DLGAP1: variants seen among roughly 807,000 people sequenced by gnomAD.
DLGAP1 encodes the protein DLG associated protein 1, also known as disks large-associated protein 1.
A neutral mutation model predicts 90.8 loss-of-function variants in DLGAP1; 11 were observed. The ratio of observed to expected loss-of-function variants is 0.12; its 90% confidence interval spans 0.08 to 0.20. The LOEUF (loss-of-function observed/expected upper bound fraction) is 0.20. Ranked by LOEUF, DLGAP1 falls within the 10% of genes least tolerant of loss-of-function variation. The pLI, the probability that DLGAP1 is intolerant of heterozygous loss-of-function variation, is 1.00. For missense variants in DLGAP1, 1,050 were observed against 1,333.8 expected (o/e 0.79, Z 3.31); for synonymous variants, 558 against 540.7 (o/e 1.03, Z -0.44).
chr18:3,806,241 C>CA (rs1763491235), intron 5 of DLGAP1, among the ~76,000 whole-genome samples: 1 of 152,048 alleles, frequency 6.6e-6, no homozygotes, highest in South Asian at 2.1e-4. Flanking sequence ...CAAAAAGAAA[C>CA]AAAAAACCAC....
chr18:4,149,693 G>A (rs886904719), intron 2 of DLGAP1, among the ~76,000 whole-genome samples: 1 of 152,220 alleles, frequency 6.6e-6, no homozygotes, highest in East Asian at 1.9e-4. Flanking sequence ...CATGATCCCT[G>A]TTGTGAACTG....
At chr18:4,018,098 G>T (rs1158252840) in intron 2 of DLGAP1, among the ~76,000 whole-genome samples, 1 of 152,172 alleles carries the variant, frequency 6.6e-6, no homozygotes, top group Non-Finnish European at 1.5e-5. Flanking sequence ...AAATAGCAGG[G>T]ACTGTGAAGA....
chr18:4,377,634 T>C (rs952213290), intron 1 of DLGAP1, among the ~76,000 whole-genome samples: 3 of 152,190 alleles, frequency 2.0e-5, no homozygotes, highest in African/African-American at 7.2e-5. Context: ...TATTATGACA[T>C]GTAAATTATT....
chr18:3,795,535 C>T (rs530669433), intron 5 of DLGAP1, among the ~76,000 whole-genome samples: 4 of 152,214 alleles, frequency 2.6e-5, no homozygotes, highest in Admixed American at 1.3e-4. Context: ...AGGATGGTCT[C>T]GATCTCTTGA....
chr18:3,627,237 G>GC (rs1815860704), intron 7 of DLGAP1, among the ~76,000 whole-genome samples: 3 of 152,042 alleles, frequency 2.0e-5, no homozygotes, highest in Admixed American at 1.3e-4. Context: ...ACCACACCTG[G>GC]CCTAGTGCTA....
chr18:3,931,427 G>A (rs2148929856), intron 3 of DLGAP1, among the ~76,000 whole-genome samples: 2 of 152,254 alleles, frequency 1.3e-5, no homozygotes, highest in Middle Eastern at 3.4e-3. Flanking sequence ...GCAGGGGGTG[G>A]AAAATGGTCA....
intron 4 of DLGAP1, among the ~76,000 whole-genome samples, chr18:3,856,914 T>C (rs1349045928): frequency 6.6e-6 from 1 of 151,964 alleles, no homozygotes; most frequent in Non-Finnish European, 1.5e-5. Context: ...GCTACATCCA[T>C]AGAGGACTTC....
intron 1 of DLGAP1, among the ~76,000 whole-genome samples, chr18:4,195,966 C>T (rs2077490962): frequency 6.6e-6 from 1 of 152,176 alleles, no homozygotes; most frequent in Non-Finnish European, 1.5e-5. Context: ...ATCCAGTCTG[C>T]TGTGTCTTTG....
chr18:3,654,688 C>G (rs774059593), intron 7 of DLGAP1: 5 of 152,144 alleles, frequency 3.3e-5, no homozygotes, highest in Non-Finnish European at 7.3e-5. Context: ...GTTTCTGTGT[C>G]TCTTATATCG....
rs77173341 is a variant in DLGAP1 at position 3,932,098 on chromosome 18, T to C, written c.-72-51958A>G. ...GAAGTAGAAAGGTTGCGTGAGGGTG[T>C]CTAAAATATACTTAAGCATCCTAAT... On this transcript the variant is annotated intron_variant, in intron 3 of 12. Transcript: ENST00000315677. 6.5e-3 allele frequency among the ~76,000 whole-genome samples: 983 copies of C among 152,186 alleles called. 9 individuals carry two copies. The highest frequency in any genetic ancestry group is 0.023 in the African/African-American group (935 of 41,518).
rs367632241 is a variant in DLGAP1 at position 3,719,489 on chromosome 18, A to G, written c.1591+9646T>C. On this transcript the variant is annotated intron_variant, in intron 7 of 12. Transcript: ENST00000315677. ...GGAGAATGGCATGAACCTGGGAGGC[A>G]GAGCTTGCAGTGAGCTGAGAGCGCG... Among the ~76,000 whole-genome samples, 32 of 148,258 alleles carry G rather than the reference A, an allele frequency of 2.2e-4. No homozygotes were observed. In the East Asian group the frequency reaches 6.2e-3, roughly 29 times the overall value.
In DLGAP1 at chr18:4,383,256, A is replaced by T. The variant is rs73384988; in HGVS notation, c.-267+71750T>A. Among the ~76,000 whole-genome samples, 6,517 of 152,260 alleles carry T rather than the reference A, an allele frequency of 0.043. 442 individuals carry two copies. Among genetic ancestry groups the T allele is most frequent in the African/African-American group, 0.15 (6,189 of 41,522 alleles). ...ATATTCATCTAACTGAAAGGTCATTATCTCTAGAACTTTAACTTTTAAAAT... is the reference window on the plus strand; with the variant it reads ...ATATTCATCTAACTGAAAGGTCATTTTCTCTAGAACTTTAACTTTTAAAAT... On this transcript the variant is annotated intron_variant, in intron 1 of 12. Transcript: ENST00000315677. This position sits in a 1 kb window ranked among gnomAD's most constrained non-coding sequence, Gnocchi z 4.0.
chr18:3,874,209 G>A lies in DLGAP1; in HGVS notation c.957+4903C>T, dbSNP rs1599081781. On this transcript the variant is annotated intron_variant, in intron 4 of 12. Transcript: ENST00000315677. ...CACACAAACTGAAGAAACCCACTCA[G>A]CCTTAAAAAGGTCGATCATTTTGCT... is the stretch of plus-strand genomic sequence containing the variant. 3.9e-6 allele frequency: 6 copies of A among 1,549,948 alleles called. No homozygotes were observed. In the East Asian group the frequency reaches 1.5e-4, roughly 38 times the overall value.
chr18:4,391,336 C>T (rs1019431341), intron 1 of DLGAP1, among the ~76,000 whole-genome samples: 2 of 152,180 alleles, frequency 1.3e-5, no homozygotes, highest in African/African-American at 4.8e-5. Context: ...TTGCTTTCTT[C>T]ATCCTGCTTT....
intron 9 of DLGAP1, among the ~76,000 whole-genome samples, chr18:3,554,944 TG>T (rs929499789): frequency 1.3e-5 from 2 of 152,306 alleles, no homozygotes; most frequent in African/African-American, 4.8e-5. Flanking sequence ...TTTGTTAGGT[TG>T]CTGTCTTTTA....
At chr18:3,873,853 T>C (rs934827762) in intron 4 of DLGAP1, among the ~76,000 whole-genome samples, 1 of 152,124 alleles carries the variant, frequency 6.6e-6, no homozygotes, top group South Asian at 2.1e-4. Context: ...CGATCATATT[T>C]CAATCACCAG....
chr18:4,228,330 A>G (rs1160625004), intron 1 of DLGAP1, among the ~76,000 whole-genome samples: 1 of 152,056 alleles, frequency 6.6e-6, no homozygotes, highest in African/African-American at 2.4e-5. Flanking sequence ...AATACTTCCA[A>G]CCTCATTCTA....
chr18:3,780,132 A>T (rs1447320221), intron 5 of DLGAP1, among the ~76,000 whole-genome samples: 4 of 152,208 alleles, frequency 2.6e-5, no homozygotes, highest in Non-Finnish European at 4.4e-5. Context: ...AAAAAATTTT[A>T]AATTACAAAA....
intron 2 of DLGAP1, among the ~76,000 whole-genome samples, chr18:4,113,896 A>T (rs376861893): frequency 6.6e-6 from 1 of 151,826 alleles, no homozygotes; most frequent in Non-Finnish European, 1.5e-5. Context: ...ATTTTTATTG[A>T]CTTTGTCAAA....
Sources: gnomAD v4.1 joint callset for allele counts (sites outside exome capture counted in the v4.1 genomes callset) on GRCh38, gnomAD v4.1.1 for gene constraint, Gnocchi (gnomAD v3.1) non-coding constraint, MANE v1.5 for transcripts, NCBI Gene and HGNC (gene_info 2026-07-23, HGNC 2026-07-21) for gene names.